IFT52: variants seen among roughly 807,000 people sequenced by gnomAD.
The protein encoded by IFT52 is intraflagellar transport protein 52 homolog.
IFT52 carries 44 observed loss-of-function variants against 54.4 expected under a neutral mutation model. That is an observed-to-expected ratio of 0.81 (90% CI 0.63 to 1.04). IFT52 has a LOEUF of 1.04. IFT52 is among the 50% of genes least tolerant of loss of function. The pLI, the probability that IFT52 is intolerant of heterozygous loss-of-function variation, is 0.00. For missense variants in IFT52, 452 were observed against 523.6 expected, an observed-to-expected ratio of 0.86 and a Z score of 1.33; for synonymous variants, 181 against 185.3, an observed-to-expected ratio of 0.98 and a Z score of 0.19.
chr20:43,625,659 G>A (rs1355154153), intron 10 of IFT52, among the ~76,000 whole-genome samples: 4 of 152,136 alleles, frequency 2.6e-5, no homozygotes, highest in African/African-American at 9.7e-5. Context: ...GCAAGACGGA[G>A]GAATGCCTGA....
chr20:43,595,316 C>CAAAAAAA (rs34012263), intron 2 of IFT52, among the ~76,000 whole-genome samples: 7 of 62,920 alleles, frequency 1.1e-4, no homozygotes, highest in African/African-American at 4.6e-4. Flanking sequence ...GACTCCGTCT[C>CAAAAAAA]AAAAAAAAAA....
chr20:43,641,218 T>TTTG (rs1301532200), intron 12 of IFT52, among the ~76,000 whole-genome samples: 2 of 151,860 alleles, frequency 1.3e-5, no homozygotes, highest in Non-Finnish European at 2.9e-5. Flanking sequence ...TTTGGGGTTT[T>TTTG]GTTTTGTTTT....
At chr20:43,593,530 A>G (rs1471335314) in intron 1 of IFT52, among the ~76,000 whole-genome samples, 1 of 152,210 alleles carries the variant, frequency 6.6e-6, no homozygotes, top group Non-Finnish European at 1.5e-5. Context: ...TAAATAAATT[A>G]TGGTAGATCC....
At chr20:43,598,151 C>T (rs1018761206) in intron 3 of IFT52, among the ~76,000 whole-genome samples, 2 of 152,096 alleles carry the variant, frequency 1.3e-5, no homozygotes, top group African/African-American at 4.8e-5. Context: ...ATGGATGAAT[C>T]TTGAGGACAT....
chr20:43,605,473 G>A (rs182717260), intron 6 of IFT52, among the ~76,000 whole-genome samples: 175 of 152,332 alleles, frequency 1.1e-3, no homozygotes, highest in African/African-American at 3.6e-3. Flanking sequence ...TTTGAACCCC[G>A]GAGGCGGAAG....
At chr20:43,643,034 G>A (rs1460963055) in intron 13 of IFT52, among the ~76,000 whole-genome samples, 2 of 151,994 alleles carry the variant, frequency 1.3e-5, no homozygotes, top group Non-Finnish European at 1.5e-5. Context: ...GGGCATCATG[G>A]TGCGTGCCTG....
intron 10 of IFT52, among the ~76,000 whole-genome samples, chr20:43,626,245 C>A (rs965754880): frequency 6.6e-6 from 1 of 150,870 alleles, no homozygotes; most frequent in African/African-American, 2.4e-5. Flanking sequence ...TGTACTTCAT[C>A]TAAAGCATAC....
chr20:43,600,505 C>T (rs1601025508), intron 3 of IFT52, among the ~76,000 whole-genome samples: 1 of 151,880 alleles, frequency 6.6e-6, no homozygotes, highest in East Asian at 1.9e-4. Flanking sequence ...GGGGTTTCAC[C>T]GTGTTAGCCA....
intron 10 of IFT52, among the ~76,000 whole-genome samples, chr20:43,626,830 T>C (rs1257699266): frequency 6.6e-6 from 1 of 152,058 alleles, no homozygotes; most frequent in Non-Finnish European, 1.5e-5. Flanking sequence ...GGACCATCTA[T>C]TGAGCCCTGG....
At position 43,603,992 on chromosome 20, in the gene IFT52, G is replaced by C. The variant is rs566458747; in HGVS notation, c.337+103G>C. ...GGCATAATGGAAAAAGCCCTGGGCT[G>C]TGTGTGCGTGTTTTAATGTTCCATT... On this transcript the variant is annotated intron_variant, in intron 4 of 13. Transcript: ENST00000373030. 7.8e-5 allele frequency: 76 copies of C among 973,370 alleles called. 1 individual carries two copies. In the East Asian group the frequency reaches 1.7e-3, roughly 22 times the overall value. 60.3% of individuals were successfully genotyped at this position (973,370 alleles called of 1,614,324 possible).
At chr20:43,609,872 C>A (rs1401738280) in intron 6 of IFT52, among the ~76,000 whole-genome samples, 1 of 151,358 alleles carries the variant, frequency 6.6e-6, no homozygotes, top group South Asian at 2.1e-4. Flanking sequence ...TTGCTTGAAC[C>A]CAGGAGGCAG....
rs555224086 is a variant in IFT52 at position 43,591,642 on chromosome 20, T to A, written c.-7+588T>A. ...TGATGTTAAAGTGCTTAAAGAAGGA[T>A]AAATATGTGAAAGTAGCCAGGAAAA... On this transcript the variant is annotated intron_variant, in intron 1 of 13. Coordinates refer to ENST00000373030, the MANE Select transcript of IFT52 (RefSeq NM_016004.5). 4.6e-5 allele frequency among the ~76,000 whole-genome samples: 7 copies of A among 152,204 alleles called. 1 individual carries two copies. In the East Asian group the frequency reaches 1.3e-3, roughly 29 times the overall value.
chr20:43,594,613 G>GT, intron 1 of IFT52, 80 bp from the exon 2 acceptor site: 1 of 766,780 alleles, frequency 1.3e-6, no homozygotes, highest in Non-Finnish European at 2.3e-6. Context: ...TAAATTAGTA[G>GT]TAGAAGGCAA....
intron 6 of IFT52, among the ~76,000 whole-genome samples, chr20:43,605,705 AT>A (rs1982815690): frequency 6.6e-6 from 1 of 152,100 alleles, no homozygotes; most frequent in Non-Finnish European, 1.5e-5. Flanking sequence ...GTAGTTTATA[AT>A]GTTTTTCTTT....
At chr20:43,635,811 TTC>T in intron 10 of IFT52, 113 bp from the exon 11 acceptor site, 1 of 848,558 alleles carries the variant, frequency 1.2e-6, no homozygotes. Flanking sequence ...CCAGTGGTAT[TTC>T]TAAAAATAGT....
intron 3 of IFT52, among the ~76,000 whole-genome samples, chr20:43,602,777 A>G (rs1014105148): frequency 6.6e-6 from 1 of 151,990 alleles, no homozygotes; most frequent in South Asian, 2.1e-4. Flanking sequence ...CTGAAGATTC[A>G]TTTGTTTTAT....
chr20:43,628,800 G>A (rs1395554336), intron 10 of IFT52, among the ~76,000 whole-genome samples: 1 of 151,820 alleles, frequency 6.6e-6, no homozygotes, highest in African/African-American at 2.4e-5. Flanking sequence ...GCAGTGAGCC[G>A]AGATCGCGCC....
intron 1 of IFT52, among the ~76,000 whole-genome samples, chr20:43,592,315 C>T (rs1173432411): frequency 6.6e-6 from 1 of 150,700 alleles, no homozygotes; most frequent in Non-Finnish European, 1.5e-5. Context: ...GGTGACAGAG[C>T]AAGACTATGC....
chr20:43,611,035 C>T (rs186268930), intron 6 of IFT52, among the ~76,000 whole-genome samples: 4 of 152,046 alleles, frequency 2.6e-5, no homozygotes, highest in Admixed American at 6.6e-5. Context: ...CTTGTTGTTG[C>T]GTTATGACTT....
Sources: allele counts gnomAD v4.1 joint callset (sites outside exome capture counted in the v4.1 genomes callset), GRCh38; gene constraint gnomAD v4.1.1; transcripts MANE v1.5; gene names NCBI Gene and HGNC (gene_info 2026-07-23, HGNC 2026-07-21).